The following SEMA4D variants were observed in gnomAD, a reference collection of about 807,000 sequenced individuals.
SEMA4D encodes semaphorin 4D.
Under a neutral mutation model 74.8 loss-of-function variants are expected in SEMA4D, and 22 were observed. The ratio of observed to expected loss-of-function variants is 0.29; its 90% CI spans 0.21 to 0.42. The LOEUF is 0.42. SEMA4D is among the 10% of genes least tolerant of loss of function. The pLI is 1.00. For synonymous variants in SEMA4D, 445 were observed against 463.7 expected (o/e 0.96, Z 0.52); for missense variants, 937 against 1,118.4 (o/e 0.84, Z 2.31).
chr9:89,433,625 C>T (rs1376261838), intron 2 of SEMA4D, among the ~76,000 whole-genome samples: 1 of 152,228 alleles, frequency 6.6e-6, no homozygotes, highest in African/African-American at 2.4e-5. Context: ...CCTCCCACCC[C>T]TGCATGTAGC....
chr9:89,490,145 C>T (rs1364393021), intron 1 of SEMA4D, among the ~76,000 whole-genome samples: 2 of 151,888 alleles, frequency 1.3e-5, no homozygotes, highest in Non-Finnish European at 2.9e-5. Context: ...GTTTATTGGC[C>T]GTTTGTAAAT....
chr9:89,398,425 G>A (rs1426600868), intron 5 of SEMA4D, among the ~76,000 whole-genome samples: 1 of 152,152 alleles, frequency 6.6e-6, no homozygotes, highest in Non-Finnish European at 1.5e-5. Context: ...TCCGCTGAGA[G>A]CCACTTCCAA....
chr9:89,371,020 G>T (rs2132427217), intron 16 of SEMA4D, among the ~76,000 whole-genome samples: 1 of 117,120 alleles, frequency 8.5e-6, no homozygotes, highest in East Asian at 2.8e-4. Flanking sequence ...GGGGTGTGTG[G>T]TATCTGGGGT....
chr9:89,362,563 G>C, intron 18 of SEMA4D: 1 of 1,494,086 alleles, frequency 6.7e-7, no homozygotes, highest in Non-Finnish European at 9.3e-7. Context: ...TCCCCTCCTT[G>C]GAGTCTAAAG....
downstream of SEMA4D, among the ~76,000 whole-genome samples, chr9:89,372,956 C>T (rs573877969): frequency 3.9e-5 from 6 of 152,104 alleles, no homozygotes; most frequent in East Asian, 1.9e-4. Flanking sequence ...TTCCTAGAGG[C>T]GAGAACTGTG....
At chr9:89,421,251 C>T (rs1042958908) in intron 2 of SEMA4D, among the ~76,000 whole-genome samples, 23 of 152,200 alleles carry the variant, frequency 1.5e-4, no homozygotes, top group African/African-American at 4.8e-4. Flanking sequence ...AAGGAAGTTC[C>T]GGAGGCAGAG....
At chr9:89,461,796 G>A (rs1017484054) in intron 1 of SEMA4D, among the ~76,000 whole-genome samples, 5 of 142,032 alleles carry the variant, frequency 3.5e-5, no homozygotes, top group East Asian at 2.3e-4. Context: ...TCCACCTCCC[G>A]GGTTCAAGTG....
intron 1 of SEMA4D, among the ~76,000 whole-genome samples, chr9:89,491,584 A>G (rs1825633489): frequency 6.6e-6 from 1 of 151,712 alleles, no homozygotes; most frequent in African/African-American, 2.4e-5. Context: ...CAACAACAAC[A>G]ACAACAACAA....
rs75368920 is a variant in SEMA4D at position 89,378,498 on chromosome 9, C to T, written c.*206G>A. On this transcript the variant is annotated 3_prime_UTR_variant, in exon 16 of 16. Coordinates refer to ENST00000422704, the MANE Select transcript of SEMA4D (RefSeq NM_001371194.2). ...CGGAACACAAGACTGGGATGCAATG[C>T]TTGTCATTTTTCCAAAAGGACAAAG... 20 of 569,922 alleles carry T rather than the reference C, an allele frequency of 3.5e-5. No individual in the cohort carries two copies. In the East Asian group the frequency reaches 5.8e-4, roughly 17 times the overall value. The allele number at this position is 569,922 out of a possible 1,614,324, so 35.3% of individuals were successfully genotyped here. A position where few individuals can be genotyped will look rare whatever the true frequency, so the allele number is the denominator to read the frequency against.
chr9:89,491,598 C>A (rs1377853289), intron 1 of SEMA4D, among the ~76,000 whole-genome samples: 1 of 151,310 alleles, frequency 6.6e-6, no homozygotes, highest in Non-Finnish European at 1.5e-5. Flanking sequence ...ACAACAACAA[C>A]AAACAGATGG....
At chr9:89,463,911 G>A (rs1466724851) in intron 1 of SEMA4D, among the ~76,000 whole-genome samples, 1 of 149,364 alleles carries the variant, frequency 6.7e-6, no homozygotes, top group Non-Finnish European at 1.5e-5. Flanking sequence ...TCCAGCCTGG[G>A]TGACAGAGCA....
At chr9:89,458,932 CAT>C (rs1188954604) in intron 1 of SEMA4D, among the ~76,000 whole-genome samples, 12 of 47,880 alleles carry the variant, frequency 2.5e-4, no homozygotes, top group Non-Finnish European at 6.2e-4. Flanking sequence ...CACACACCCA[CAT>C]GTACTCATAT....
At chr9:89,486,066 T>A (rs2136230857) in intron 1 of SEMA4D, among the ~76,000 whole-genome samples, 1 of 152,344 alleles carries the variant, frequency 6.6e-6, no homozygotes, top group South Asian at 2.1e-4. Context: ...AAGGTCACCA[T>A]GAACGTCATC....
intron 18 of SEMA4D, among the ~76,000 whole-genome samples, chr9:89,362,656 A>C (rs140135153): frequency 6.6e-6 from 1 of 152,330 alleles, no homozygotes; most frequent in Non-Finnish European, 1.5e-5. Context: ...GATTGTGCTG[A>C]GAGGCAGGAG....
chr9:89,366,930 C>G (rs957297307), intron 16 of SEMA4D, among the ~76,000 whole-genome samples: 6 of 152,100 alleles, frequency 3.9e-5, no homozygotes, highest in African/African-American at 1.4e-4. Flanking sequence ...ATCTGGGTGG[C>G]CTAAGCTGGA....
intron 1 of SEMA4D, among the ~76,000 whole-genome samples, chr9:89,470,861 A>G (rs890854184): frequency 9.2e-5 from 14 of 152,234 alleles, no homozygotes; most frequent in African/African-American, 3.4e-4. Context: ...ATAGGAACAA[A>G]GAGTAGCTCA....
intron 2 of SEMA4D, among the ~76,000 whole-genome samples, chr9:89,409,096 T>C (rs773924454): frequency 6.6e-6 from 1 of 152,074 alleles, no homozygotes; most frequent in Non-Finnish European, 1.5e-5. Context: ...TACTCAGCAT[T>C]AAAAATAAAT....
intron 1 of SEMA4D, among the ~76,000 whole-genome samples, chr9:89,464,370 A>AC (rs1858115941): frequency 1.3e-5 from 2 of 152,020 alleles, no homozygotes; most frequent in African/African-American, 4.8e-5. Context: ...GGGGCTGAGG[A>AC]CCTCAGGGGC....
At chr9:89,363,111 T>C (rs754390544) in intron 18 of SEMA4D, among the ~76,000 whole-genome samples, 4 of 152,124 alleles carry the variant, frequency 2.6e-5, no homozygotes, top group Non-Finnish European at 4.4e-5. Context: ...GCTGGCTGAG[T>C]GCTCTGTACA....
Sources: gnomAD v4.1 joint callset for allele counts (sites outside exome capture counted in the v4.1 genomes callset) on GRCh38, gnomAD v4.1.1 for gene constraint, MANE v1.5 for transcripts, NCBI Gene and HGNC (gene_info 2026-07-23, HGNC 2026-07-21) for gene names.